Variants in CASD1 observed in about 807,000 individuals in gnomAD.
The protein encoded by CASD1 is CAS1 domain sialic acid O acetyltransferase 1, also known as N-acetylneuraminate (7)9-O-acetyltransferase.
CASD1 carries 41 observed loss-of-function variants against 100.0 expected under a neutral mutation model. That is an observed-to-expected ratio of 0.41 (90% confidence interval 0.32 to 0.53). The LOEUF is 0.53. Ranked by LOEUF, CASD1 falls within the 20% of genes least tolerant of loss-of-function variation. CASD1 has a pLI of 0.25. For missense variants in CASD1, 774 were observed against 948.7 expected (o/e 0.82, Z 2.42); for synonymous variants, 321 against 315.6 (o/e 1.02, Z -0.18).
the CASD1 span, chr7:94,620,509 T>G: frequency 6.6e-6 from 1 of 152,198 alleles, no homozygotes; most frequent in African/African-American, 2.4e-5. Context: ...ATGCTACATT[T>G]ATCTGCATAC....
the CASD1 span, chr7:94,623,701 C>A: frequency 2.4e-6 from 1 of 409,856 alleles, no homozygotes; most frequent in Non-Finnish European, 4.3e-6. Flanking sequence ...ATGGATTAAC[C>A]ATTATGAATT....
chr7:94,512,301 C>T (rs375851907), intron 1 of CASD1, among the ~76,000 whole-genome samples: 3 of 152,066 alleles, frequency 2.0e-5, no homozygotes, highest in South Asian at 4.2e-4. Context: ...AGAAGGTTTA[C>T]GAATTTGGGC....
At chr7:94,629,527 T>A in the CASD1 span, 1 of 557,682 alleles carries the variant, frequency 1.8e-6, no homozygotes, top group African/African-American at 1.9e-5. Context: ...TTCCTTAACA[T>A]TCAAAAATAA....
In CASD1 at chr7:94,509,852, A is replaced by C. The variant is rs1344628920; in HGVS notation, c.-233A>C. On this transcript the variant is annotated 5_prime_UTR_variant, in exon 1 of 18. Transcript: ENST00000297273. ...GCCTGGGGAACCGGCACGGCGGAGC[A>C]GCGGCGGCGGGGCTGGGGGGAGGCC... 1.0e-6 allele frequency: 1 copy of C among 972,348 alleles called. No homozygotes were observed. The highest frequency in any genetic ancestry group is 1.2e-6 in the Non-Finnish European group (1 of 816,032). 60.2% of individuals were successfully genotyped at this position (972,348 alleles called of 1,614,324 possible).
Position 94,554,516 on chromosome 7 carries a change from G to C in CASD1, c.2068G>C (p.Gly690Arg). The C allele has an allele frequency of 6.2e-7, 1 of 1,611,754 alleles. No homozygotes were observed. Among genetic ancestry groups the C allele is most frequent in the East Asian group, 2.2e-5 (1 of 44,742 alleles). ...CTTCATCCTAATAAGAAACATCCCT[G>C]GATATGCCCGTTCAGTTTACAGTTC... ...LAFILIRNIPGYARSVYSSFF... is the reference protein window; with the variant it reads ...LAFILIRNIPRYARSVYSSFF... Residue 690 changes from glycine to arginine, a missense_variant, in exon 17 of 18, where the codon GGA (glycine) becomes CGA (arginine). Transcript: ENST00000297273.
chr7:94,599,661 A>C, the CASD1 span: 1 of 1,596,924 alleles, frequency 6.3e-7, no homozygotes. Flanking sequence ...GGTGGGAAAA[A>C]ATGATGAAGA....
chr7:94,548,874 C>T (rs1271116722), intron 13 of CASD1, among the ~76,000 whole-genome samples: 1 of 151,742 alleles, frequency 6.6e-6, no homozygotes, highest in Non-Finnish European at 1.5e-5. Context: ...GACATCTGCC[C>T]CTTCAATCCC....
the CASD1 span, among the ~76,000 whole-genome samples, chr7:94,576,446 A>G: frequency 2.4e-4 from 36 of 152,186 alleles, no homozygotes; most frequent in Non-Finnish European, 3.1e-4. Context: ...TATGGTATTT[A>G]TTGTAAACAC....
chr7:94,613,643 A>G, the CASD1 span, among the ~76,000 whole-genome samples: 3 of 152,228 alleles, frequency 2.0e-5, no homozygotes, highest in Non-Finnish European at 4.4e-5. Context: ...GTGAAGAAAC[A>G]AGTAATGGTA....
chr7:94,605,064 T>C, the CASD1 span, among the ~76,000 whole-genome samples: 1 of 151,708 alleles, frequency 6.6e-6, no homozygotes, highest in Admixed American at 6.6e-5. Flanking sequence ...CTTATATTCA[T>C]TCTTTTTACT....
chr7:94,533,462 ATTC>A (rs1308899855), intron 6 of CASD1, among the ~76,000 whole-genome samples: 4 of 152,264 alleles, frequency 2.6e-5, no homozygotes, highest in East Asian at 1.9e-4. Context: ...CTAAAATTGT[ATTC>A]TTCTTGAATG....
At chr7:94,519,336 A>G (rs1369381717) in intron 3 of CASD1, among the ~76,000 whole-genome samples, 1 of 152,182 alleles carries the variant, frequency 6.6e-6, no homozygotes, top group African/African-American at 2.4e-5. Flanking sequence ...AAGGGGGGAA[A>G]GTCGAACACA....
At chr7:94,604,527 C>T in the CASD1 span, among the ~76,000 whole-genome samples, 1 of 151,236 alleles carries the variant, frequency 6.6e-6, no homozygotes, top group Non-Finnish European at 1.5e-5. Context: ...CTGGTACGGG[C>T]ATAGGAACAG....
chr7:94,606,414 C>A, the CASD1 span, among the ~76,000 whole-genome samples: 1 of 152,160 alleles, frequency 6.6e-6, no homozygotes, highest in African/African-American at 2.4e-5. Flanking sequence ...GAGGTCAATT[C>A]TTTAAGAACA....
At chr7:94,572,467 T>C in the CASD1 span, among the ~76,000 whole-genome samples, 1 of 152,212 alleles carries the variant, frequency 6.6e-6, no homozygotes, top group Non-Finnish European at 1.5e-5. Flanking sequence ...CATTCATCAT[T>C]TCTCTAATGA....
intron 3 of CASD1, among the ~76,000 whole-genome samples, chr7:94,523,649 G>T (rs1222877663): frequency 6.6e-6 from 1 of 152,166 alleles, no homozygotes. Flanking sequence ...CGATCTGTAG[G>T]TTCAGTGTAA....
At chr7:94,585,271 A>G in the CASD1 span, 1 of 463,852 alleles carries the variant, frequency 2.2e-6, no homozygotes, top group African/African-American at 1.9e-5. Context: ...TTTTATTGTA[A>G]CAAATATAAA....
intron 5 of CASD1, among the ~76,000 whole-genome samples, chr7:94,528,490 CTT>C (rs1387573846): frequency 2.6e-5 from 4 of 152,116 alleles, no homozygotes; most frequent in African/African-American, 9.7e-5. Flanking sequence ...TTATCCCAGA[CTT>C]TTCATATTTA....
chr7:94,618,900 T>G, the CASD1 span: 9 of 1,614,072 alleles, frequency 5.6e-6, no homozygotes, highest in Non-Finnish European at 7.6e-6. Context: ...CTGGCCAACA[T>G]TTCTTCTACA....
Sources: gnomAD v4.1 joint callset for allele counts (sites outside exome capture counted in the v4.1 genomes callset) on GRCh38, gnomAD v4.1.1 for gene constraint, MANE v1.5 for transcripts, NCBI Gene and HGNC (gene_info 2026-07-23, HGNC 2026-07-21) for gene names.